The following SULT1C4 variants were observed in gnomAD, a reference collection of about 807,000 sequenced individuals.
SULT1C4 encodes sulfotransferase family 1C member 4.
SULT1C4 carries 32 observed loss-of-function variants against 34.8 expected under a neutral mutation model. The observed-to-expected ratio is 0.92, with a 90% CI of 0.69 to 1.23. The LOEUF is 1.23. Ranked by LOEUF, SULT1C4 falls within the 50% of genes most tolerant of loss-of-function variation. The pLI, the probability that SULT1C4 is intolerant of heterozygous loss-of-function variation, is 0.00. For missense variants in SULT1C4, 375 were observed against 365.9 expected, an observed-to-expected ratio of 1.02 and a Z score of -0.20; for synonymous variants, 111 against 120.5, an observed-to-expected ratio of 0.92 and a Z score of 0.51.
chr2:108,387,333 C>A lies in SULT1C4; in HGVS notation c.810C>A (p.Asp270Glu). Residue 270 changes from aspartate to glutamate, a missense_variant, in exon 7 of 7, where the codon GAC becomes GAA. Asp to Glu is a conservative substitution (Grantham distance 45). Transcript: ENST00000272452. ...SPFMRKGAVGDWKKHFTVAQN... is the reference protein window; with the variant it reads ...SPFMRKGAVGEWKKHFTVAQN... ...ACTGTATTTCAGGGGCAGTGGGAGA[C>A]TGGAAGAAACACTTCACCGTGGCTC... 2 of 1,613,046 alleles carry A rather than the reference C, an allele frequency of 1.2e-6. No individual in the cohort carries two copies. Among genetic ancestry groups the A allele is most frequent in the East Asian group, 2.2e-5 (1 of 44,824 alleles).
At chr2:108,383,269 C>T (rs1459933544) in intron 4 of SULT1C4, 50 bp downstream of exon 4, 2 of 1,600,370 alleles carry the variant, frequency 1.2e-6, no homozygotes, top group Admixed American at 1.8e-5. Context: ...TCTCCAAACA[C>T]CCTAGAAGGA....
intron 1 of SULT1C4, among the ~76,000 whole-genome samples, chr2:108,379,749 T>C (rs989498813): frequency 1.3e-5 from 2 of 152,068 alleles, no homozygotes; most frequent in African/African-American, 2.4e-5. Context: ...ATGGCAAAAA[T>C]AGTTCACCCT....
chr2:108,381,064 G>A (rs925308387), intron 1 of SULT1C4, among the ~76,000 whole-genome samples: 8 of 152,140 alleles, frequency 5.3e-5, no homozygotes, highest in African/African-American at 1.9e-4. Context: ...TGTCTCCTAC[G>A]CTATGCAACT....
chr2:108,381,754 C>T lies in SULT1C4; in HGVS notation c.170-8C>T. Reference sequence around the variant, plus strand: ...TGTCTATTCATCTTCATTTTACGTGCACGTAAGGAACAACATGGACTCAGG... The same window carrying T: ...TGTCTATTCATCTTCATTTTACGTGTACGTAAGGAACAACATGGACTCAGG... On this transcript the variant is annotated splice_polypyrimidine_tract_variant and splice_region_variant and intron_variant, in intron 1 of 6. Coordinates refer to ENST00000272452, the MANE Select transcript of SULT1C4 (RefSeq NM_006588.4). 7.3e-7 allele frequency: 1 copy of T among 1,375,804 alleles called. No individual in the cohort carries two copies. Among genetic ancestry groups the T allele is most frequent in the Non-Finnish European group, 9.4e-7 (1 of 1,058,286 alleles). The allele number at this position is 1,375,804 out of a possible 1,614,324, so 85.2% of individuals were successfully genotyped here.
At chr2:108,382,965 T>A in intron 3 of SULT1C4, 128 bp from the exon 4 acceptor site, 9 of 455,364 alleles carry the variant, frequency 2.0e-5, no homozygotes, top group Non-Finnish European at 2.8e-5. Flanking sequence ...GAATGCAGCC[T>A]CAGAAAAAAT....
intron 2 of SULT1C4, chr2:108,382,109 T>G: frequency 3.6e-6 from 2 of 558,412 alleles, no homozygotes; most frequent in Non-Finnish European, 5.8e-6. Flanking sequence ...AGTTAGAAAT[T>G]AATTTTACTT....
At chr2:108,379,882 A>G (rs1190178056) in intron 1 of SULT1C4, among the ~76,000 whole-genome samples, 1 of 152,222 alleles carries the variant, frequency 6.6e-6, no homozygotes, top group Non-Finnish European at 1.5e-5. Context: ...CAACATTTGA[A>G]TCTGCCCTCA....
At chr2:108,386,005 T>G (rs1678556944) in intron 5 of SULT1C4, among the ~76,000 whole-genome samples, 187 bp from the exon 6 acceptor site, 1 of 152,206 alleles carries the variant, frequency 6.6e-6, no homozygotes, top group Admixed American at 6.5e-5. Context: ...AAATTATTAG[T>G]GATTCCAATT....
intron 2 of SULT1C4, 127 bp downstream of exon 2, chr2:108,382,014 T>A: frequency 9.2e-7 from 1 of 1,086,434 alleles, no homozygotes; most frequent in Non-Finnish European, 1.2e-6. Flanking sequence ...TGTCTTTTTT[T>A]AACTGTGTCT....
Position 108,381,865 on chromosome 2 carries a change from GA to G in SULT1C4, c.277del (p.Ile93SerfsTer4). The G allele has an allele frequency of 6.7e-7, 1 of 1,493,358 alleles. No homozygotes were observed. Among genetic ancestry groups the G allele is most frequent in the Non-Finnish European group, 8.9e-7 (1 of 1,126,994 alleles). The allele number at this position is 1,493,358 out of a possible 1,614,324, so 92.5% of individuals were successfully genotyped here. A position where few individuals can be genotyped will look rare whatever the true frequency, so the allele number is the denominator to read the frequency against. On this transcript the variant is annotated frameshift_variant, in exon 2 of 7. Coordinates refer to ENST00000272452, the MANE Select transcript of SULT1C4 (RefSeq NM_006588.4). LOFTEE classifies it high-confidence loss of function. ...THQRFPFLEM[K>X]IPSLGSGLEQ... is the part of the protein sequence containing the mutation. ...ATCAACGATTTCCTTTCCTCGAAAT[GA>G]AAATCCCATCCTTAGGATCTGGTGA... is the stretch of plus-strand genomic sequence containing the variant.
At chr2:108,382,055 T>C (rs1487872716) in intron 2 of SULT1C4, 168 bp downstream of exon 2, 2 of 726,776 alleles carry the variant, frequency 2.8e-6, no homozygotes, top group South Asian at 3.6e-5. Context: ...CATTTTCTAA[T>C]GGAATTACTG....
rs1226590148 is a variant in SULT1C4, at chr2:108,388,647, T to G, written c.*1215T>G. On this transcript the variant is annotated 3_prime_UTR_variant, in exon 7 of 7. Coordinates refer to ENST00000272452, the MANE Select transcript of SULT1C4 (RefSeq NM_006588.4). ...TGCCTGAAAGATAAATCCCAAGATT[T>G]TAGCCATGCATTCAAGAGCAGCTAT... 6.6e-6 allele frequency among the ~76,000 whole-genome samples: 1 copy of G among 152,234 alleles called. No individual in the cohort carries two copies. Among genetic ancestry groups the G allele is most frequent in the East Asian group, 1.9e-4 (1 of 5,198 alleles).
chr2:108,387,399 T>A lies in SULT1C4; in HGVS notation c.876T>A (p.Thr292=). The A allele has an allele frequency of 6.2e-7, 1 of 1,613,706 alleles. No homozygotes were observed. The highest frequency in any genetic ancestry group is 1.1e-5 in the South Asian group (1 of 90,990). The change falls in exon 7 of 7, where the codon ACT becomes ACA. Residue 292 remains threonine, a synonymous_variant. Transcript: ENST00000272452. Reference sequence around the variant, plus strand: ...ATGAAGATTACAAGAAGAAAATGACTGATACCAGACTAACTTTCCACTTCC... The same window carrying A: ...ATGAAGATTACAAGAAGAAAATGACAGATACCAGACTAACTTTCCACTTCC... ...RFDEDYKKKM[T]DTRLTFHFQF
chr2:108,381,805 A>T lies in SULT1C4; in HGVS notation c.213A>T (p.Glu71Asp). ...TQEIVELIQN[E>D]GDVEKSKRAP... The stretch of plus-strand genomic sequence containing the variant: ...AGATAGTGGAATTAATACAAAATGA[A>T]GGTGATGTGGAGAAAAGTAAACGGG... The change falls in exon 2 of 7, where the codon GAA becomes GAT. Residue 71 changes from glutamate (E) to aspartate (D), a missense_variant. Physicochemically the swap from Glu to Asp is conservative, Grantham distance 45. Transcript: ENST00000272452. The T allele has an allele frequency of 6.7e-7, 1 of 1,490,144 alleles. No individual in the cohort carries two copies. The highest frequency in any genetic ancestry group is 8.9e-7 in the Non-Finnish European group (1 of 1,123,854). The allele number at this position is 1,490,144 out of a possible 1,614,324, so 92.3% of individuals were successfully genotyped here.
At chr2:108,379,908 A>G (rs1678341297) in intron 1 of SULT1C4, among the ~76,000 whole-genome samples, 1 of 152,200 alleles carries the variant, frequency 6.6e-6, no homozygotes, top group South Asian at 2.1e-4. Flanking sequence ...GCTCATGTCT[A>G]TAAATTCATT....
chr2:108,386,497 GT>G, intron 6 of SULT1C4, 125 bp downstream of exon 6: 1 of 760,140 alleles, frequency 1.3e-6, no homozygotes. Flanking sequence ...GGGAAAAGAA[GT>G]ATTTAAGAAG....
rs905281059 is a variant in SULT1C4 at position 108,388,848 on chromosome 2, A to C, written c.*1416A>C. Among the ~76,000 whole-genome samples, 1 of 152,046 alleles carries C rather than the reference A, an allele frequency of 6.6e-6. No individual in the cohort carries two copies. Among genetic ancestry groups the C allele is most frequent in the African/African-American group, 2.4e-5 (1 of 41,384 alleles). On this transcript the variant is annotated 3_prime_UTR_variant, in exon 7 of 7. Coordinates refer to ENST00000272452, the MANE Select transcript of SULT1C4 (RefSeq NM_006588.4). ...TCTCTTCCTTTCTTTCTACCTACCC[A>C]AGACATACCACGTGCTTCAATAACC... is the stretch of plus-strand genomic sequence containing the variant.
chr2:108,378,233 A>G lies in SULT1C4; in HGVS notation c.-105A>G. 9.1e-7 allele frequency: 1 copy of G among 1,103,820 alleles called. No homozygotes were observed. Among genetic ancestry groups the G allele is most frequent in the East Asian group, 2.4e-5 (1 of 41,968 alleles). The allele number at this position is 1,103,820 out of a possible 1,614,324, so 68.4% of individuals were successfully genotyped here. A position where few individuals can be genotyped will look rare whatever the true frequency, so the allele number is the denominator to read the frequency against. ...ACAGGCCTGTGCTAGAGGGCTGGAT[A>G]GTGTGGTAGTGTGGTGGATAGAGTG... On this transcript the variant is annotated 5_prime_UTR_variant, in exon 1 of 7. The change creates a new upstream start codon in the 5' untranslated region. Coordinates refer to ENST00000272452, the MANE Select transcript of SULT1C4 (RefSeq NM_006588.4).
chr2:108,385,639 C>T (rs1484401542), intron 5 of SULT1C4, among the ~76,000 whole-genome samples: 2 of 152,084 alleles, frequency 1.3e-5, no homozygotes, highest in Non-Finnish European at 2.9e-5. Context: ...CCCTTTGATG[C>T]GAAATCAGTA....
Sources: gnomAD v4.1 joint callset for allele counts (sites outside exome capture counted in the v4.1 genomes callset) on GRCh38, gnomAD v4.1.1 for gene constraint, MANE v1.5 for transcripts, NCBI Gene and HGNC (gene_info 2026-07-23, HGNC 2026-07-21) for gene names.